Variants in TENM2 observed in about 807,000 individuals in gnomAD.
TENM2 encodes the protein teneurin-2.
TENM2 carries 52 observed loss-of-function variants against 245.2 expected under a neutral mutation model. The ratio of observed to expected loss-of-function variants is 0.21; its 90% CI spans 0.17 to 0.27. The LOEUF is 0.27. Among genes scored for constraint, TENM2 ranks in the 10% least tolerant of loss-of-function variants. The pLI is 1.00. For missense variants in TENM2, 3,046 were observed against 3,666.8 expected, an observed-to-expected ratio of 0.83 and a Z score of 4.37; for synonymous variants, 1,363 against 1,438.9, an observed-to-expected ratio of 0.95 and a Z score of 1.19.
intron 2 of TENM2, among the ~76,000 whole-genome samples, chr5:167,484,702 G>A (rs1767957591): frequency 6.6e-6 from 1 of 152,138 alleles, no homozygotes; most frequent in Non-Finnish European, 1.5e-5. Flanking sequence ...AAGACACAAA[G>A]GGAGATTGAT....
At chr5:167,150,096 A>T in the TENM2 span, among the ~76,000 whole-genome samples, 26 of 152,286 alleles carry the variant, frequency 1.7e-4, no homozygotes, top group African/African-American at 4.8e-4. Context: ...TAGAAAAGGG[A>T]GGGGAAAATA....
chr5:168,233,151 C>A (rs1343879970), intron 25 of TENM2, among the ~76,000 whole-genome samples: 1 of 152,106 alleles, frequency 6.6e-6, no homozygotes, highest in African/African-American at 2.4e-5. Context: ...AATGGTGAAA[C>A]CCCATCTCTA....
the TENM2 span, among the ~76,000 whole-genome samples, chr5:167,158,913 C>CT: frequency 9.5e-6 from 1 of 105,328 alleles, no homozygotes; most frequent in African/African-American, 4.1e-5. Context: ...CCTTCCTCTT[C>CT]CTCTCTCTCT....
intron 2 of TENM2, among the ~76,000 whole-genome samples, chr5:167,794,565 T>C (rs781530133): frequency 2.6e-5 from 4 of 152,082 alleles, no homozygotes; most frequent in Non-Finnish European, 5.9e-5. Context: ...ATGACAAGGG[T>C]CAAATTCATG....
chr5:167,366,121 G>A (rs1760037889), intron 1 of TENM2, among the ~76,000 whole-genome samples: 1 of 151,580 alleles, frequency 6.6e-6, no homozygotes, highest in Non-Finnish European at 1.5e-5. Flanking sequence ...AATTTTATTG[G>A]TGAAACCAAT....
intron 2 of TENM2, among the ~76,000 whole-genome samples, chr5:167,673,976 C>T (rs1055164151): frequency 1.3e-5 from 2 of 152,120 alleles, no homozygotes. Context: ...ACTGAGATAG[C>T]ATGGGCTAAA....
At chr5:167,277,612 G>A in the TENM2 span, among the ~76,000 whole-genome samples, 3 of 152,110 alleles carry the variant, frequency 2.0e-5, no homozygotes, top group Non-Finnish European at 4.4e-5. Context: ...TTCTGTAAAC[G>A]CTGATTTATC....
intron 5 of TENM2, among the ~76,000 whole-genome samples, chr5:168,019,582 C>T (rs1024865067): frequency 6.6e-6 from 1 of 152,234 alleles, no homozygotes; most frequent in Non-Finnish European, 1.5e-5. Context: ...TTGCTCGATA[C>T]TGGACAGAGT....
chr5:167,277,566 A>G, the TENM2 span, among the ~76,000 whole-genome samples: 1 of 152,138 alleles, frequency 6.6e-6, no homozygotes, highest in Non-Finnish European at 1.5e-5. Context: ...TGGCCACTTG[A>G]GAAAGATTTA....
chr5:167,025,079 A>T, the TENM2 span, among the ~76,000 whole-genome samples: 2 of 152,188 alleles, frequency 1.3e-5, no homozygotes, highest in Non-Finnish European at 2.9e-5. Context: ...ATGTTGAAAA[A>T]CATTGGCTTA....
At chr5:167,224,703 AT>A in the TENM2 span, among the ~76,000 whole-genome samples, 7 of 151,524 alleles carry the variant, frequency 4.6e-5, no homozygotes, top group Admixed American at 6.6e-5. Context: ...AAACTTTAGG[AT>A]TTTTTTTATT....
At chr5:167,255,073 C>CTTTTTT in the TENM2 span, among the ~76,000 whole-genome samples, 4 of 125,518 alleles carry the variant, frequency 3.2e-5, no homozygotes, top group East Asian at 2.3e-4. Flanking sequence ...CTTTTCTTTT[C>CTTTTTT]TTTTTTTTTT....
At chr5:167,903,211 C>T (rs997022027) in intron 3 of TENM2, among the ~76,000 whole-genome samples, 1 of 152,126 alleles carries the variant, frequency 6.6e-6, no homozygotes, top group African/African-American at 2.4e-5. Flanking sequence ...TGCATCCATT[C>T]AGCTAATAAT....
chr5:167,316,203 A>G (rs971576759), intron 1 of TENM2, among the ~76,000 whole-genome samples: 2 of 152,248 alleles, frequency 1.3e-5, no homozygotes, highest in African/African-American at 4.8e-5. Flanking sequence ...AGGCAGAGAT[A>G]TGTACTGTAT....
chr5:167,267,557 CTG>C, the TENM2 span, among the ~76,000 whole-genome samples: 2 of 152,186 alleles, frequency 1.3e-5, no homozygotes, highest in Non-Finnish European at 2.9e-5. Context: ...TTCATCACAA[CTG>C]TCTCCCGCAG....
At chr5:167,843,295 G>GT (rs34229738) in intron 2 of TENM2, among the ~76,000 whole-genome samples, 126,268 of 152,150 alleles carry the variant, frequency 0.83, 53,095 homozygotes, top group Middle Eastern at 0.88. Context: ...ATTTGAGGAC[G>GT]TTTTTGTTTG....
At chr5:167,536,458 T>TA (rs35201500) in intron 2 of TENM2, among the ~76,000 whole-genome samples, 21 of 150,368 alleles carry the variant, frequency 1.4e-4, no homozygotes, top group African/African-American at 2.9e-4. Flanking sequence ...CCCATATACT[T>TA]AAAAAAAAAA....
the TENM2 span, among the ~76,000 whole-genome samples, chr5:167,119,764 GC>G: frequency 1.3e-5 from 2 of 152,216 alleles, no homozygotes; most frequent in Admixed American, 6.5e-5. Flanking sequence ...ATAGCAACCT[GC>G]TTTGTGGATG....
chr5:167,484,357 A>G (rs532742956), intron 2 of TENM2, among the ~76,000 whole-genome samples: 56 of 152,174 alleles, frequency 3.7e-4, no homozygotes, highest in African/African-American at 1.3e-3. Context: ...GTGGACCTTA[A>G]TCTCACTGAT....
Sources: gnomAD v4.1 joint callset for allele counts (sites outside exome capture counted in the v4.1 genomes callset) on GRCh38, gnomAD v4.1.1 for gene constraint, MANE v1.5 for transcripts, NCBI Gene and HGNC (gene_info 2026-07-23, HGNC 2026-07-21) for gene names.